Variants in PCDH9 observed in about 807,000 individuals in gnomAD.
The protein encoded by PCDH9 is protocadherin-9.
A neutral mutation model predicts 70.6 loss-of-function variants in PCDH9; 24 were observed. The observed-to-expected ratio is 0.34, with a 90% confidence interval of 0.25 to 0.48. The LOEUF is 0.48. Among genes scored for constraint, PCDH9 ranks in the 20% least tolerant of loss-of-function variants. The pLI, the probability that PCDH9 is intolerant of heterozygous loss-of-function variation, is 0.99. For synonymous variants in PCDH9, 562 were observed against 558.5 expected (o/e 1.01, Z -0.09); for missense variants, 1,281 against 1,503.6 (o/e 0.85, Z 2.45).
At chr13:66,847,045 G>T (rs12875661) in intron 3 of PCDH9, among the ~76,000 whole-genome samples, 47,033 of 151,912 alleles carry the variant, frequency 0.31, 7,793 homozygotes, top group Non-Finnish European at 0.37. Context: ...TTAGAAACTA[G>T]ACACACAAAA....
chr13:66,583,913 A>T (rs1348787095), intron 4 of PCDH9, among the ~76,000 whole-genome samples: 1 of 152,176 alleles, frequency 6.6e-6, no homozygotes, highest in Non-Finnish European at 1.5e-5. Flanking sequence ...CATGTAGGTT[A>T]TACAGATGTT....
chr13:67,203,523 G>C (rs547561455), intron 2 of PCDH9: 2 of 152,070 alleles, frequency 1.3e-5, no homozygotes, highest in Middle Eastern at 6.8e-3. Context: ...TAATTTACTA[G>C]AATACCATTG....
intron 4 of PCDH9, among the ~76,000 whole-genome samples, chr13:66,432,713 G>T (rs1957794558): frequency 6.6e-6 from 1 of 151,826 alleles, no homozygotes; most frequent in Admixed American, 6.6e-5. Context: ...CATCACAATT[G>T]AACATAGGAC....
chr13:66,540,602 G>T (rs1960913192), intron 4 of PCDH9, among the ~76,000 whole-genome samples: 1 of 152,142 alleles, frequency 6.6e-6, no homozygotes, highest in Admixed American at 6.6e-5. Context: ...GTCAGAAAAT[G>T]CCTTGAGAAC....
chr13:66,472,584 A>C (rs902004456), intron 4 of PCDH9, among the ~76,000 whole-genome samples: 9 of 152,246 alleles, frequency 5.9e-5, no homozygotes, highest in East Asian at 1.9e-4. Context: ...CAACAACAAC[A>C]ACCAAACACA....
chr13:66,310,178 C>A (rs895759376), intron 4 of PCDH9, among the ~76,000 whole-genome samples: 3 of 151,892 alleles, frequency 2.0e-5, no homozygotes, highest in Non-Finnish European at 2.9e-5. Context: ...TCTGTCTCTG[C>A]ATTTAAATTT....
intron 4 of PCDH9, among the ~76,000 whole-genome samples, chr13:66,565,699 G>C: frequency 6.6e-6 from 1 of 152,092 alleles, no homozygotes; most frequent in East Asian, 1.9e-4. Flanking sequence ...CACATGTCTG[G>C]ATAAAACCTT....
At chr13:66,997,563 C>G (rs1386873812) in intron 2 of PCDH9, among the ~76,000 whole-genome samples, 1 of 138,526 alleles carries the variant, frequency 7.2e-6, no homozygotes, top group Non-Finnish European at 1.6e-5. Context: ...GAGACGGAGT[C>G]TCACTCTGTT....
chr13:66,381,152 C>T (rs1356040052), intron 4 of PCDH9, among the ~76,000 whole-genome samples: 1 of 152,164 alleles, frequency 6.6e-6, no homozygotes, highest in Non-Finnish European at 1.5e-5. Context: ...ATTTTGGCAA[C>T]AGTCTCTCAG....
intron 4 of PCDH9, among the ~76,000 whole-genome samples, chr13:66,339,887 T>G (rs1008683773): frequency 6.6e-6 from 1 of 152,110 alleles, no homozygotes; most frequent in African/African-American, 2.4e-5. Context: ...CTTTATTCAG[T>G]TTTTGTTTCT....
chr13:66,914,962 A>G (rs2082533889), intron 2 of PCDH9: 1 of 151,714 alleles, frequency 6.6e-6, no homozygotes, highest in Non-Finnish European at 1.5e-5. Flanking sequence ...TACAGAATGG[A>G]TATCTCTTTG....
chr13:66,795,448 A>T (rs1353645059), intron 3 of PCDH9, among the ~76,000 whole-genome samples: 2 of 152,192 alleles, frequency 1.3e-5, no homozygotes, highest in Non-Finnish European at 2.9e-5. Context: ...CAAATAATTT[A>T]TAAATAGCTT....
At chr13:66,761,457 C>T (rs1158313755) in intron 3 of PCDH9, among the ~76,000 whole-genome samples, 1 of 152,088 alleles carries the variant, frequency 6.6e-6, no homozygotes, top group African/African-American at 2.4e-5. Context: ...TCTTCCTCCG[C>T]CCACTCTTGA....
chr13:67,110,410 A>G (rs2086634842), intron 2 of PCDH9, among the ~76,000 whole-genome samples: 3 of 147,824 alleles, frequency 2.0e-5, no homozygotes, highest in African/African-American at 7.5e-5. Flanking sequence ...GCTACTCAGC[A>G]GGCTGAGGCA....
At chr13:67,168,342 A>T (rs1163349543) in intron 2 of PCDH9, among the ~76,000 whole-genome samples, 1 of 152,150 alleles carries the variant, frequency 6.6e-6, no homozygotes, top group East Asian at 1.9e-4. Context: ...GTTCATAACC[A>T]TGGGGAAATA....
At chr13:66,509,549 A>T (rs1011317284) in intron 4 of PCDH9, among the ~76,000 whole-genome samples, 3 of 152,178 alleles carry the variant, frequency 2.0e-5, no homozygotes, top group Non-Finnish European at 4.4e-5. Context: ...CCCAATCGTT[A>T]AAAATCTTTT....
intron 2 of PCDH9, 126 bp downstream of exon 2, chr13:67,225,279 G>GTT: frequency 2.2e-5 from 28 of 1,266,592 alleles, no homozygotes; most frequent in Middle Eastern, 2.9e-4. Flanking sequence ...AAGGGGTCAA[G>GTT]TTTTTTTTTA....
At chr13:66,617,891 G>C (rs1013743984) in intron 4 of PCDH9, among the ~76,000 whole-genome samples, 1 of 151,960 alleles carries the variant, frequency 6.6e-6, no homozygotes, top group Non-Finnish European at 1.5e-5. Context: ...CTGTCAGCAG[G>C]AAGCAGTTCT....
At chr13:66,823,912 C>G (rs2080762243) in intron 3 of PCDH9, among the ~76,000 whole-genome samples, 1 of 152,016 alleles carries the variant, frequency 6.6e-6, no homozygotes, top group African/African-American at 2.4e-5. Flanking sequence ...GTTGTCACAT[C>G]AAATGTGTTC....
Sources: allele counts gnomAD v4.1 joint callset (sites outside exome capture counted in the v4.1 genomes callset), GRCh38; gene constraint gnomAD v4.1.1; transcripts MANE v1.5; gene names NCBI Gene and HGNC (gene_info 2026-07-23, HGNC 2026-07-21).